TRPC3: variants seen among roughly 807,000 people sequenced by gnomAD.
TRPC3 encodes transient receptor potential cation channel subfamily C member 3, also known as short transient receptor potential channel 3.
A neutral mutation model predicts 90.9 loss-of-function variants in TRPC3; 54 were observed. The ratio of observed to expected loss-of-function variants is 0.59; its 90% CI spans 0.48 to 0.75. The LOEUF (loss-of-function observed/expected upper bound fraction) is 0.75. Ranked by LOEUF, TRPC3 falls within the 30% of genes least tolerant of loss-of-function variation. TRPC3 has a pLI of 0.00. For synonymous variants in TRPC3, 424 were observed against 450.9 expected (o/e 0.94, Z 0.75); for missense variants, 918 against 1,194.5 (o/e 0.77, Z 3.41).
intron 1 of TRPC3, among the ~76,000 whole-genome samples, chr4:121,946,083 G>C (rs1484900179): frequency 1.3e-5 from 2 of 152,010 alleles, no homozygotes; most frequent in Non-Finnish European, 1.5e-5. Context: ...TAAAAACTAG[G>C]GGATCAGTCA....
At position 121,925,105 on chromosome 4, in the gene TRPC3, A is replaced by G. The variant is rs754242416; in HGVS notation, c.1089T>C (p.Asp363=). 7.4e-6 allele frequency: 12 copies of G among 1,613,950 alleles called. No homozygotes were observed. Among genetic ancestry groups the G allele is most frequent in the Non-Finnish European group, 8.5e-6 (10 of 1,180,022 alleles). ...CCTCCAGAGGCTCTGCTGATTCCAGATCTCCATTCAGAATGGCTTCTACCT... is the reference window on the plus strand; with the variant it reads ...CCTCCAGAGGCTCTGCTGATTCCAGGTCTCCATTCAGAATGGCTTCTACCT... ...SEEVEAILNG[D]LESAEPLEVH... Residue 363 remains aspartate (D), a synonymous_variant, in exon 3 of 12, where the codon GAT becomes GAC. Coordinates refer to ENST00000379645, the MANE Select transcript of TRPC3 (RefSeq NM_001130698.2).
At chr4:121,949,752 T>C (rs1027658129) in intron 1 of TRPC3, among the ~76,000 whole-genome samples, 4 of 152,224 alleles carry the variant, frequency 2.6e-5, no homozygotes, top group African/African-American at 9.6e-5. Context: ...CAACATTTAC[T>C]TGCTGAATTA....
intron 1 of TRPC3, among the ~76,000 whole-genome samples, chr4:121,944,038 G>C (rs957785483): frequency 6.6e-6 from 1 of 151,920 alleles, no homozygotes; most frequent in African/African-American, 2.4e-5. Flanking sequence ...TGAGCCCCTC[G>C]TGCATAAGCG....
chr4:121,909,552 G>A lies in TRPC3; in HGVS notation c.1792+602C>T, dbSNP rs759290344. 8.6e-5 allele frequency among the ~76,000 whole-genome samples: 13 copies of A among 152,040 alleles called. No homozygotes were observed. The South Asian group carries it at 1.5e-3, about 17-fold the overall frequency. On this transcript the variant is annotated intron_variant, in intron 6 of 11. Coordinates refer to ENST00000379645, the MANE Select transcript of TRPC3 (RefSeq NM_001130698.2). The stretch of plus-strand genomic sequence containing the variant: ...GAAGGCATCAATGTTCTTTCACACC[G>A]GATGTCAGCTGAGGTCTCACTGCTC...
intron 1 of TRPC3, among the ~76,000 whole-genome samples, chr4:121,936,844 G>A (rs570314228): frequency 1.1e-4 from 16 of 152,310 alleles, no homozygotes; most frequent in Admixed American, 9.8e-4. Context: ...ATTTCTGTGT[G>A]TGTCTTTTTT....
intron 3 of TRPC3, among the ~76,000 whole-genome samples, chr4:121,924,502 C>T (rs1294007341): frequency 6.6e-6 from 1 of 152,058 alleles, no homozygotes; most frequent in African/African-American, 2.4e-5. Flanking sequence ...CAACTTTACC[C>T]CCCACAAAAA....
Position 121,904,309 on chromosome 4 carries a change from A to G in TRPC3, c.2253+13T>C, listed in dbSNP as rs202177503. On this transcript the variant is annotated intron_variant, in intron 8 of 11. Coordinates refer to ENST00000379645, the MANE Select transcript of TRPC3 (RefSeq NM_001130698.2). ...TGACAAGGATAGATACTATGGATAG[A>G]AAACCGATTTACCTCAATTTCTTGA... 6.3e-7 allele frequency: 1 copy of G among 1,594,890 alleles called. No homozygotes were observed. The highest frequency in any genetic ancestry group is 8.5e-7 in the Non-Finnish European group (1 of 1,174,534).
chr4:121,949,365 T>A (rs548457081), intron 1 of TRPC3, among the ~76,000 whole-genome samples: 1 of 152,270 alleles, frequency 6.6e-6, no homozygotes, highest in Admixed American at 6.5e-5. Flanking sequence ...GCAACAGAAG[T>A]ACCCCGAGGA....
In TRPC3 at chr4:121,932,606, CG is replaced by C; in HGVS notation, c.651del (p.Asp217GlufsTer37). The part of the protein sequence containing the change: ...TLSPCEQELQ[D>X]DDFYAYDEDG... ...TCCTCGTCGTAAGCGTAGAAGTCGT[CG>C]TCCTGCAGCTCCTGCTCACAGGGGC... is the stretch of plus-strand genomic sequence containing the variant. On this transcript the variant is annotated frameshift_variant, in exon 2 of 12. Coordinates refer to ENST00000379645, the MANE Select transcript of TRPC3 (RefSeq NM_001130698.2). LOFTEE classifies it high-confidence loss of function. The surrounding 1 kb of genome is among the most constrained non-coding windows in gnomAD (Gnocchi z 7.7). 2 of 1,613,916 alleles carry C rather than the reference CG, an allele frequency of 1.2e-6. No individual in the cohort carries two copies. The highest frequency in any genetic ancestry group is 1.7e-6 in the Non-Finnish European group (2 of 1,179,850).
intron 10 of TRPC3, among the ~76,000 whole-genome samples, chr4:121,888,662 G>T (rs933069624): frequency 1.3e-5 from 2 of 151,566 alleles, no homozygotes; most frequent in African/African-American, 4.9e-5. Context: ...CTCCCAAAGT[G>T]CTGGGATTAC....
At position 121,907,388 on chromosome 4, in the gene TRPC3, T is replaced by G; in HGVS notation, c.1972A>C (p.Ile658Leu). 1 of 1,613,396 alleles carries G rather than the reference T, an allele frequency of 6.2e-7. No individual in the cohort carries two copies. Among genetic ancestry groups the G allele is most frequent in the Non-Finnish European group, 8.5e-7 (1 of 1,179,512 alleles). ...KDIFKFMVLF[I>L]MVFFAFMIGM... Reference sequence around the variant, plus strand: ...ATCATAAAGGCAAAAAACACCATAATAAAGAGGACCATGAACTTGAATATG... The same window carrying G: ...ATCATAAAGGCAAAAAACACCATAAGAAAGAGGACCATGAACTTGAATATG... Residue 658 changes from isoleucine to leucine, a missense_variant, in exon 7 of 12, where the codon ATT (isoleucine) becomes CTT (leucine). By Grantham distance (5) the Ile-to-Leu change is conservative. Coordinates refer to ENST00000379645, the MANE Select transcript of TRPC3 (RefSeq NM_001130698.2).
intron 3 of TRPC3, among the ~76,000 whole-genome samples, chr4:121,923,090 G>C (rs1729583114): frequency 7.0e-6 from 1 of 142,546 alleles, no homozygotes; most frequent in Non-Finnish European, 1.6e-5. Flanking sequence ...AGAAAGAGGA[G>C]AAAGAGACAC....
chr4:121,900,614 T>A (rs1205692377), intron 9 of TRPC3, among the ~76,000 whole-genome samples: 1 of 152,190 alleles, frequency 6.6e-6, no homozygotes, highest in Non-Finnish European at 1.5e-5. Flanking sequence ...GTTAGCTGTC[T>A]AGGTTAGCTG....
At position 121,904,516 on chromosome 4, in the gene TRPC3, C is replaced by A; in HGVS notation, c.2059G>T (p.Val687Leu). 6.5e-7 allele frequency: 1 copy of A among 1,541,638 alleles called. No individual in the cohort carries two copies. Among genetic ancestry groups the A allele is most frequent in the Admixed American group, 2.3e-5 (1 of 43,808 alleles). Residue 687 changes from valine (V) to leucine (L), a missense_variant and splice_region_variant, in exon 8 of 12, where the codon GTA becomes TTA. Val to Leu is a conservative substitution (Grantham distance 32). Around this residue, in one of 4 missense-constraint regions of TRPC3, gnomAD observed 147 missense variants for 263.5 expected, o/e 0.56. Transcript: ENST00000379645. ...AATAAAGTCTTGAAACTTTCTTCTA[C>A]ACTGTTGAAAAAATAAGATACAAAG... is the stretch of plus-strand genomic sequence containing the variant. Reference protein sequence around the residue: ...GAKVNAAFTTVEESFKTLFWS... With the variant: ...GAKVNAAFTTLEESFKTLFWS...
Position 121,914,931 on chromosome 4 carries a change from G to A in TRPC3, c.1190C>T (p.Pro397Leu). The change falls in exon 4 of 12, where the codon CCC becomes CTC. Residue 397 changes from proline (P) to leucine (L), a missense_variant. Coordinates refer to ENST00000379645, the MANE Select transcript of TRPC3 (RefSeq NM_001130698.2). ...CGTCAAGAGCTGCTGCTGGCAGTTGGGATGAGCCACAAACTATTGGGAGAG... is the reference window on the plus strand; with the variant it reads ...CGTCAAGAGCTGCTGCTGGCAGTTGAGATGAGCCACAAACTATTGGGAGAG... ...KYEVKKFVAH[P>L]NCQQQLLTIW... 6.2e-7 allele frequency: 1 copy of A among 1,606,574 alleles called. No homozygotes were observed. The highest frequency in any genetic ancestry group is 8.5e-7 in the Non-Finnish European group (1 of 1,174,278).
intron 1 of TRPC3, chr4:121,950,950 C>G (rs901760740): frequency 2.0e-5 from 3 of 152,562 alleles, no homozygotes; most frequent in African/African-American, 7.2e-5. Context: ...TCTGCCCCCG[C>G]CCCCGACGTC....
chr4:121,914,766 T>C lies in TRPC3; in HGVS notation c.1341+14A>G. ...TACACCACCACAGAGGAAATAGATG[T>C]AGAAAGCAAGTACCCTGCTGCAAGG... On this transcript the variant is annotated intron_variant, in intron 4 of 11. Transcript: ENST00000379645. 1.3e-6 allele frequency: 2 copies of C among 1,587,922 alleles called. No homozygotes were observed. The highest frequency in any genetic ancestry group is 1.7e-6 in the Non-Finnish European group (2 of 1,161,224).
At chr4:121,934,213 A>G (rs1730053818) in intron 1 of TRPC3, among the ~76,000 whole-genome samples, 1 of 152,220 alleles carries the variant, frequency 6.6e-6, no homozygotes, top group Non-Finnish European at 1.5e-5. Context: ...TCCTTACGCC[A>G]GGTAGAAAAT....
intron 1 of TRPC3, among the ~76,000 whole-genome samples, chr4:121,948,403 C>T (rs1578663469): frequency 6.6e-6 from 1 of 151,682 alleles, no homozygotes; most frequent in East Asian, 1.9e-4. Flanking sequence ...CTTTCCATTC[C>T]ACCAACACTA....
Sources: allele counts gnomAD v4.1 joint callset (sites outside exome capture counted in the v4.1 genomes callset), GRCh38; gene constraint gnomAD v4.1.1; regional missense constraint gnomAD v4.1.1; non-coding constraint Gnocchi (gnomAD v3.1); transcripts MANE v1.5; gene names NCBI Gene and HGNC (gene_info 2026-07-23, HGNC 2026-07-21).